The following IKZF1 variants were observed in gnomAD, a reference collection of about 807,000 sequenced individuals.
The protein encoded by IKZF1 is DNA-binding protein Ikaros.
A neutral mutation model predicts 51.7 loss-of-function variants in IKZF1; 10 were observed. The observed-to-expected ratio is 0.19, with a 90% CI of 0.12 to 0.33. IKZF1 has a LOEUF of 0.33. Among genes scored for constraint, IKZF1 ranks in the 10% least tolerant of loss-of-function variants. IKZF1 has a pLI of 1.00. For synonymous variants in IKZF1, 280 were observed against 282.3 expected (o/e 0.99, Z 0.08); for missense variants, 484 against 707.5 (o/e 0.68, Z 3.58).
intron 1 of IKZF1, among the ~76,000 whole-genome samples, chr7:50,310,559 T>C (rs1789921859): frequency 6.6e-6 from 1 of 152,170 alleles, no homozygotes; most frequent in Non-Finnish European, 1.5e-5. Context: ...AATAAAGGAC[T>C]ACAAAATGGG....
chr7:50,334,339 ATGTGT>A (rs1295932697), intron 3 of IKZF1, among the ~76,000 whole-genome samples: 3 of 152,020 alleles, frequency 2.0e-5, no homozygotes, highest in Non-Finnish European at 2.9e-5. Context: ...CATGTGGTAC[ATGTGT>A]TGTGTGTGTG....
intron 6 of IKZF1, 79 bp from the exon 7 acceptor site, chr7:50,391,650 T>A (rs2153500760): frequency 6.4e-7 from 1 of 1,559,830 alleles, no homozygotes. Flanking sequence ...ACTTAACAAA[T>A]GTCAGATTTA....
At chr7:50,396,464 T>TA (rs1211351465) in intron 7 of IKZF1, among the ~76,000 whole-genome samples, 2 of 152,254 alleles carry the variant, frequency 1.3e-5, no homozygotes, top group African/African-American at 4.8e-5. Context: ...TGAATACTTT[T>TA]AAAATTGATT....
intron 5 of IKZF1, among the ~76,000 whole-genome samples, chr7:50,383,114 G>A (rs1584929182): frequency 6.6e-6 from 1 of 152,212 alleles, no homozygotes; most frequent in African/African-American, 2.4e-5. Flanking sequence ...CCGCTTTGGA[G>A]TGTTTTACAC....
chr7:50,340,002 T>C (rs1424830257), intron 3 of IKZF1, among the ~76,000 whole-genome samples: 1 of 152,192 alleles, frequency 6.6e-6, no homozygotes, highest in Non-Finnish European at 1.5e-5. Context: ...TTGACTTCCT[T>C]AGATTAAATG....
chr7:50,382,831 C>A, intron 5 of IKZF1, 124 bp downstream of exon 5: 1 of 1,228,776 alleles, frequency 8.1e-7, no homozygotes, highest in Non-Finnish European at 1.1e-6. Context: ...CGCAGTCCTG[C>A]ATCGGGTGTG....
At chr7:50,384,400 T>G (rs1430817303) in intron 5 of IKZF1, among the ~76,000 whole-genome samples, 1 of 152,156 alleles carries the variant, frequency 6.6e-6, no homozygotes, top group Admixed American at 6.5e-5. Flanking sequence ...AAAATTGTCA[T>G]GATTTGGGTG....
At chr7:50,330,170 G>C (rs1796132141) in intron 3 of IKZF1, among the ~76,000 whole-genome samples, 1 of 152,166 alleles carries the variant, frequency 6.6e-6, no homozygotes, top group South Asian at 2.1e-4. Flanking sequence ...CATGGGTCCT[G>C]GCCCTGCCCT....
chr7:50,388,294 G>A (rs986643787), intron 6 of IKZF1, among the ~76,000 whole-genome samples: 3 of 152,164 alleles, frequency 2.0e-5, no homozygotes, highest in Admixed American at 6.5e-5. Context: ...ACTGTGAGTC[G>A]AAATTTAACG....
chr7:50,399,821 C>T, intron 7 of IKZF1, 97 bp from the exon 8 acceptor site: 3 of 1,495,916 alleles, frequency 2.0e-6, no homozygotes, highest in South Asian at 1.3e-5. Flanking sequence ...GCCGTGTTCC[C>T]CTTCCCCTCC....
At chr7:50,322,099 A>G (rs995655361) in intron 2 of IKZF1, among the ~76,000 whole-genome samples, 1 of 152,186 alleles carries the variant, frequency 6.6e-6, no homozygotes, top group African/African-American at 2.4e-5. Flanking sequence ...TACTTTTTCT[A>G]CTTCTTCGAG....
chr7:50,360,741 G>A (rs1004861496), intron 3 of IKZF1, among the ~76,000 whole-genome samples: 11 of 152,230 alleles, frequency 7.2e-5, no homozygotes, highest in Admixed American at 3.9e-4. Flanking sequence ...GAGCTCCGCA[G>A]CCCCATGTCG....
intron 3 of IKZF1, among the ~76,000 whole-genome samples, chr7:50,374,314 G>A (rs2153463779): frequency 6.6e-6 from 1 of 152,194 alleles, no homozygotes; most frequent in South Asian, 2.1e-4. Flanking sequence ...GGTTCTATAG[G>A]GCCATTTTAG....
At chr7:50,361,991 T>C (rs567820651) in intron 3 of IKZF1, among the ~76,000 whole-genome samples, 1 of 152,334 alleles carries the variant, frequency 6.6e-6, no homozygotes, top group Admixed American at 6.5e-5. Context: ...GGTGTATTAA[T>C]TGGAGCTTTT....
chr7:50,319,618 C>T (rs1792592746), intron 2 of IKZF1, among the ~76,000 whole-genome samples: 1 of 152,178 alleles, frequency 6.6e-6, no homozygotes, highest in Non-Finnish European at 1.5e-5. Context: ...AAGGGTAGGT[C>T]ACAGACTGTG....
At chr7:50,339,178 C>G (rs1406402260) in intron 3 of IKZF1, among the ~76,000 whole-genome samples, 1 of 147,606 alleles carries the variant, frequency 6.8e-6, no homozygotes, top group Non-Finnish European at 1.5e-5. Flanking sequence ...TGAAATTTGA[C>G]AGTGAAATTT....
At chr7:50,353,074 T>C (rs547105734) in intron 3 of IKZF1, among the ~76,000 whole-genome samples, 1 of 152,332 alleles carries the variant, frequency 6.6e-6, no homozygotes, top group Non-Finnish European at 1.5e-5. Context: ...AATCTTTTCA[T>C]AGAAGACACA....
At chr7:50,308,764 A>G (rs1287979601) in intron 1 of IKZF1, 1 of 152,384 alleles carries the variant, frequency 6.6e-6, no homozygotes, top group African/African-American at 2.4e-5. Context: ...GGAAGAGGAC[A>G]CAGAGGCCCT....
At chr7:50,370,764 AGTC>A (rs1370784080) in intron 3 of IKZF1, among the ~76,000 whole-genome samples, 1 of 152,228 alleles carries the variant, frequency 6.6e-6, no homozygotes, top group Non-Finnish European at 1.5e-5. Context: ...AGAGAGGACC[AGTC>A]TCCATTTCAT....
Sources: allele counts gnomAD v4.1 joint callset (sites outside exome capture counted in the v4.1 genomes callset), GRCh38; gene constraint gnomAD v4.1.1; transcripts MANE v1.5; gene names NCBI Gene and HGNC (gene_info 2026-07-23, HGNC 2026-07-21).